DSCAM: variants seen among roughly 807,000 people sequenced by gnomAD.
The protein encoded by DSCAM is DS cell adhesion molecule.
DSCAM carries 47 observed loss-of-function variants against 217.7 expected under a neutral mutation model. The ratio of observed to expected loss-of-function variants is 0.22; its 90% CI spans 0.17 to 0.28. The LOEUF (loss-of-function observed/expected upper bound fraction) is 0.28. Among genes scored for constraint, DSCAM ranks in the 10% least tolerant of loss-of-function variants. The pLI is 1.00. For synonymous variants in DSCAM, 1,056 were observed against 1,015.3 expected, an observed-to-expected ratio of 1.04 and a Z score of -0.76; for missense variants, 2,080 against 2,618.3, an observed-to-expected ratio of 0.79 and a Z score of 4.49.
intron 32 of DSCAM, among the ~76,000 whole-genome samples, chr21:40,033,064 A>ATACAGATG (rs2088558546): frequency 2.6e-5 from 4 of 152,168 alleles, no homozygotes; most frequent in Non-Finnish European, 5.9e-5. Context: ...TTAATTCCCA[A>ATACAGATG]TACAGATGTA....
At chr21:40,492,683 A>AG (rs2076085629) in intron 3 of DSCAM, among the ~76,000 whole-genome samples, 3 of 78,342 alleles carry the variant, frequency 3.8e-5, no homozygotes. Flanking sequence ...TAATTAGAAC[A>AG]GAAAAAAAGA....
intron 3 of DSCAM, among the ~76,000 whole-genome samples, chr21:40,661,598 CA>C (rs2090140097): frequency 6.6e-6 from 1 of 152,118 alleles, no homozygotes. Flanking sequence ...GATTAGAAAA[CA>C]AACAGAATTT....
intron 1 of DSCAM, among the ~76,000 whole-genome samples, chr21:40,715,324 T>C (rs886725392): frequency 6.6e-6 from 1 of 152,234 alleles, no homozygotes; most frequent in Non-Finnish European, 1.5e-5. Context: ...GGTATCTTAC[T>C]TGAAACATCC....
At chr21:40,187,866 T>C (rs1232342062) in intron 13 of DSCAM, 25 bp downstream of exon 13, 1 of 1,587,680 alleles carries the variant, frequency 6.3e-7, no homozygotes, top group Non-Finnish European at 8.6e-7. Context: ...ACTGTGTTTA[T>C]TCTCTTACGC....
chr21:40,060,587 G>T (rs996242575), intron 28 of DSCAM, among the ~76,000 whole-genome samples: 1 of 151,988 alleles, frequency 6.6e-6, no homozygotes, highest in South Asian at 2.1e-4. Flanking sequence ...TAGGGGTGGG[G>T]GCTGCGGTGG....
chr21:40,593,461 G>A (rs951992103), intron 3 of DSCAM, among the ~76,000 whole-genome samples: 1 of 152,054 alleles, frequency 6.6e-6, no homozygotes, highest in Non-Finnish European at 1.5e-5. Context: ...GAGTAGCTGG[G>A]TCTACAGGCA....
At chr21:40,291,038 C>T (rs1028976871) in intron 10 of DSCAM, among the ~76,000 whole-genome samples, 2 of 152,190 alleles carry the variant, frequency 1.3e-5, no homozygotes, top group African/African-American at 2.4e-5. Flanking sequence ...GAGCCCAAAA[C>T]CCTGATCTTA....
intron 19 of DSCAM, among the ~76,000 whole-genome samples, chr21:40,124,914 T>C (rs1330549450): frequency 6.6e-6 from 1 of 152,192 alleles, no homozygotes; most frequent in East Asian, 1.9e-4. Context: ...GGCAACTTCC[T>C]GCCTCTGGAT....
intron 3 of DSCAM, among the ~76,000 whole-genome samples, chr21:40,522,486 C>G (rs1444017567): frequency 6.6e-6 from 1 of 152,080 alleles, no homozygotes; most frequent in Non-Finnish European, 1.5e-5. Context: ...TTTGATTGTC[C>G]CCCCTTTAAA....
rs199709738 is a variant in DSCAM at position 40,563,539 on chromosome 21, TTATA to T, written c.508+129267_508+129270del. On this transcript the variant is annotated intron_variant, in intron 3 of 32. Coordinates refer to ENST00000400454, the MANE Select transcript of DSCAM (RefSeq NM_001389.5). ...ACAAAATATATCTATTTGTTTATAG[TTATA>T]TGTTTATATATGTTTATATGTTTAT... Among the ~76,000 whole-genome samples, 24 of 144,432 alleles carry T rather than the reference TTATA, an allele frequency of 1.7e-4. 1 individual carries two copies. The South Asian group carries it at 4.5e-3, about 27-fold the overall frequency. 94.8% of individuals were successfully genotyped at this position (144,432 alleles called of 152,430 possible).
intron 15 of DSCAM, among the ~76,000 whole-genome samples, chr21:40,173,472 C>T (rs1486762439): frequency 6.6e-6 from 1 of 152,140 alleles, no homozygotes; most frequent in Non-Finnish European, 1.5e-5. Context: ...TTTCTTCAAA[C>T]CCAGGATGGA....
intron 3 of DSCAM, among the ~76,000 whole-genome samples, chr21:40,417,094 C>T (rs1368272879): frequency 6.6e-6 from 1 of 152,148 alleles, no homozygotes; most frequent in African/African-American, 2.4e-5. Flanking sequence ...TCCAATATGA[C>T]AACTCCCAAC....
At chr21:40,146,942 T>C in intron 16 of DSCAM, among the ~76,000 whole-genome samples, 1 of 152,244 alleles carries the variant, frequency 6.6e-6, no homozygotes, top group East Asian at 1.9e-4. Context: ...TTATGTGACC[T>C]AATTAATTAA....
rs7277756 is a variant in DSCAM at position 40,409,496 on chromosome 21, T to C, written c.509-40251A>G. Among the ~76,000 whole-genome samples the C allele has an allele frequency of 8.5e-5, 13 of 152,262 alleles. 1 individual carries two copies. Among genetic ancestry groups the C allele is most frequent in the South Asian group, 6.2e-4 (3 of 4,818 alleles). On this transcript the variant is annotated intron_variant, in intron 3 of 32. Transcript: ENST00000400454. ...CTGAAGAGGCCACAGAGCTAGAATGTAGGAAAAAGTACTAGAGGAATCCTA... is the reference window on the plus strand; with the variant it reads ...CTGAAGAGGCCACAGAGCTAGAATGCAGGAAAAAGTACTAGAGGAATCCTA...
chr21:40,730,142 T>C lies in DSCAM; in HGVS notation c.44-21371A>G, dbSNP rs140752407. The stretch of plus-strand genomic sequence containing the variant: ...TTCTATACCTAATATGCACCAGCTG[T>C]GTAATGGGCTCCGAAGAGCCTCCGG... On this transcript the variant is annotated intron_variant, in intron 1 of 32. Coordinates refer to ENST00000400454, the MANE Select transcript of DSCAM (RefSeq NM_001389.5). 2.6e-5 allele frequency among the ~76,000 whole-genome samples: 4 copies of C among 152,254 alleles called. No individual in the cohort carries two copies. In the East Asian group the frequency reaches 7.7e-4, roughly 29 times the overall value.
intron 3 of DSCAM, among the ~76,000 whole-genome samples, chr21:40,389,530 T>A (rs951104701): frequency 6.6e-6 from 1 of 152,238 alleles, no homozygotes; most frequent in African/African-American, 2.4e-5. Flanking sequence ...GGTATATTGA[T>A]TAAATTATTT....
chr21:40,109,820 C>A (rs934148555), intron 20 of DSCAM, among the ~76,000 whole-genome samples: 1 of 152,204 alleles, frequency 6.6e-6, no homozygotes, highest in East Asian at 1.9e-4. Flanking sequence ...TCACTCATTG[C>A]TAGCACAGCA....
At chr21:40,408,781 A>AG (rs1285440434) in intron 3 of DSCAM, among the ~76,000 whole-genome samples, 1 of 152,208 alleles carries the variant, frequency 6.6e-6, no homozygotes, top group African/African-American at 2.4e-5. Flanking sequence ...TCACATGTGC[A>AG]GTGCAGTCAC....
intron 3 of DSCAM, among the ~76,000 whole-genome samples, chr21:40,387,395 C>A (rs369203030): frequency 1.3e-5 from 2 of 151,822 alleles, no homozygotes; most frequent in Non-Finnish European, 2.9e-5. Context: ...TTTGCAAATA[C>A]CCTTGCCTTC....
Sources: gnomAD v4.1 joint callset for allele counts (sites outside exome capture counted in the v4.1 genomes callset) on GRCh38, gnomAD v4.1.1 for gene constraint, MANE v1.5 for transcripts, NCBI Gene and HGNC (gene_info 2026-07-23, HGNC 2026-07-21) for gene names.